Variants in GALNT14 observed in about 807,000 individuals in gnomAD.
The protein encoded by GALNT14 is UDP-GalNAc:polypeptide N-acetylgalactosaminyltransferase 14.
GALNT14 carries 60 observed loss-of-function variants against 77.5 expected under a neutral mutation model. The observed-to-expected ratio is 0.77, with a 90% CI of 0.63 to 0.96. The LOEUF (loss-of-function observed/expected upper bound fraction) is 0.96, where lower values mean the gene tolerates loss of function less well. Among genes scored for constraint, GALNT14 ranks in the 40% least tolerant of loss-of-function variants. The probability of loss-of-function intolerance (pLI) is 0.00; values close to 1 mark genes in which losing one functional copy is unlikely to be tolerated. For synonymous variants in GALNT14, 280 were observed against 281.7 expected, an observed-to-expected ratio of 0.99 and a Z score of 0.06; for missense variants, 710 against 731.0, an observed-to-expected ratio of 0.97 and a Z score of 0.33.
chr2:31,137,631 G>C (rs991485288), intron 1 of GALNT14, among the ~76,000 whole-genome samples: 3 of 152,068 alleles, frequency 2.0e-5, no homozygotes, highest in Admixed American at 6.5e-5. Flanking sequence ...AGCGCCCGGA[G>C]ACCGCCAGCC....
At chr2:31,070,612 C>G (rs960474763) in intron 1 of GALNT14, among the ~76,000 whole-genome samples, 2 of 152,222 alleles carry the variant, frequency 1.3e-5, no homozygotes, top group African/African-American at 4.8e-5. Context: ...GCCAGCACAG[C>G]CGAAACAAAC....
chr2:31,012,777 C>T (rs923123447), intron 1 of GALNT14, among the ~76,000 whole-genome samples: 1 of 151,866 alleles, frequency 6.6e-6, no homozygotes, highest in East Asian at 1.9e-4. Context: ...GAAAAAAAAT[C>T]CAAAAACAAC....
intron 1 of GALNT14, among the ~76,000 whole-genome samples, chr2:31,009,825 A>G (rs559419287): frequency 3.3e-5 from 5 of 152,214 alleles, no homozygotes; most frequent in African/African-American, 1.2e-4. Flanking sequence ...GAACCCACAC[A>G]CAACTAACCC....
In GALNT14 at chr2:31,079,093, C is replaced by T; in HGVS notation, c.129+58865G>A. 5 of 1,225,994 alleles carry T rather than the reference C, an allele frequency of 4.1e-6. No homozygotes were observed. The South Asian group carries it at 5.7e-5, about 14-fold the overall frequency. The allele number at this position is 1,225,994 out of a possible 1,614,324, so 75.9% of individuals were successfully genotyped here. On this transcript the variant is annotated intron_variant, in intron 1 of 14. Coordinates refer to ENST00000349752, the MANE Select transcript of GALNT14 (RefSeq NM_024572.4). Reference sequence around the variant, plus strand: ...TAGAAAACATAAATACATGAAAATGCATATGATGATATTTGGCATAGGTGA... The same window carrying T: ...TAGAAAACATAAATACATGAAAATGTATATGATGATATTTGGCATAGGTGA...
intron 6 of GALNT14, among the ~76,000 whole-genome samples, chr2:30,948,997 CCTT>C (rs1292874049): frequency 6.6e-6 from 1 of 152,126 alleles, no homozygotes; most frequent in African/African-American, 2.4e-5. Context: ...GGGGTTCTGT[CCTT>C]CTATTATTCC....
intron 13 of GALNT14, among the ~76,000 whole-genome samples, chr2:30,919,483 G>A (rs1664903480): frequency 6.6e-6 from 1 of 152,194 alleles, no homozygotes; most frequent in Admixed American, 6.5e-5. Context: ...CAGAGACTGT[G>A]GGCAGCTAAA....
chr2:31,022,655 C>CT (rs1256862985), intron 1 of GALNT14, among the ~76,000 whole-genome samples: 1 of 152,166 alleles, frequency 6.6e-6, no homozygotes, highest in Non-Finnish European at 1.5e-5. Context: ...AAGCATAGAG[C>CT]TTCCTAAGGA....
At chr2:30,992,737 C>T (rs565204755) in intron 2 of GALNT14, 101 bp downstream of exon 2, 268 of 1,349,062 alleles carry the variant, frequency 2.0e-4, no homozygotes, top group Non-Finnish European at 2.6e-4. Context: ...TGGTCCAGCC[C>T]GGTTCTTAGC....
intron 1 of GALNT14, among the ~76,000 whole-genome samples, chr2:31,058,541 A>G (rs149749876): frequency 3.9e-4 from 60 of 152,286 alleles, no homozygotes; most frequent in African/African-American, 1.3e-3. Flanking sequence ...TGCCCACAGA[A>G]GCACTCAGCA....
chr2:31,046,393 A>AT (rs1673464647), intron 1 of GALNT14, among the ~76,000 whole-genome samples: 2 of 151,790 alleles, frequency 1.3e-5, no homozygotes, highest in Admixed American at 6.6e-5. Flanking sequence ...CGCCCAGCTA[A>AT]TTTTTTTTGT....
intron 1 of GALNT14, among the ~76,000 whole-genome samples, chr2:31,053,078 A>G (rs929011595): frequency 3.3e-5 from 5 of 152,026 alleles, no homozygotes; most frequent in African/African-American, 1.2e-4. Context: ...CTGGCCCCAC[A>G]CGAAAGCAGA....
chr2:31,023,127 G>A (rs929153519), intron 1 of GALNT14, among the ~76,000 whole-genome samples: 4 of 151,540 alleles, frequency 2.6e-5, no homozygotes, highest in Non-Finnish European at 5.9e-5. Flanking sequence ...TAATGGACTG[G>A]TCCAATAAAG....
chr2:31,066,759 C>T (rs888854683), intron 1 of GALNT14, among the ~76,000 whole-genome samples: 4 of 152,032 alleles, frequency 2.6e-5, no homozygotes, highest in Non-Finnish European at 4.4e-5. Flanking sequence ...GAGCACCCCC[C>T]ACCCCCCACC....
At chr2:31,071,256 A>G (rs967733085) in intron 1 of GALNT14, among the ~76,000 whole-genome samples, 2 of 152,102 alleles carry the variant, frequency 1.3e-5, no homozygotes, top group African/African-American at 2.4e-5. Flanking sequence ...GGAAATAAAA[A>G]TTTTTTTTAA....
At chr2:31,041,454 C>G (rs1465128780) in intron 1 of GALNT14, among the ~76,000 whole-genome samples, 1 of 151,884 alleles carries the variant, frequency 6.6e-6, no homozygotes, top group African/African-American at 2.4e-5. Flanking sequence ...CACTGCAGGC[C>G]AGGGGAGATG....
chr2:31,008,080 A>T (rs773045845), intron 1 of GALNT14, among the ~76,000 whole-genome samples: 1 of 152,072 alleles, frequency 6.6e-6, no homozygotes, highest in Middle Eastern at 3.4e-3. Context: ...CAACCCTCAG[A>T]TCTATTTATT....
chr2:31,131,866 G>C (rs1679011196), intron 1 of GALNT14, among the ~76,000 whole-genome samples: 1 of 152,218 alleles, frequency 6.6e-6, no homozygotes. Flanking sequence ...TCTCTGGACA[G>C]ACTGGGGAGG....
chr2:30,942,784 T>C (rs1342229676), intron 8 of GALNT14, among the ~76,000 whole-genome samples: 1 of 152,190 alleles, frequency 6.6e-6, no homozygotes, highest in Non-Finnish European at 1.5e-5. Flanking sequence ...GAAACTGGGC[T>C]CTCTCTCCTT....
At chr2:30,909,001 G>C (rs1224926892), downstream of GALNT14, among the ~76,000 whole-genome samples, 1 of 151,968 alleles carries the variant, frequency 6.6e-6, no homozygotes, top group Admixed American at 6.6e-5. Context: ...AAACTGGCTA[G>C]CCATATGTAG....
Sources: allele counts gnomAD v4.1 joint callset (sites outside exome capture counted in the v4.1 genomes callset), GRCh38; gene constraint gnomAD v4.1.1; transcripts MANE v1.5; gene names NCBI Gene and HGNC (gene_info 2026-07-23, HGNC 2026-07-21).